Variants in MEIKIN observed in about 807,000 individuals in gnomAD.
MEIKIN encodes meiosis-specific kinetochore protein.
chr5:131,919,971 TACAA>T (rs1392853795), intron 6 of MEIKIN, among the ~76,000 whole-genome samples: 18 of 152,222 alleles, frequency 1.2e-4, no homozygotes, highest in Non-Finnish European at 2.5e-4. Flanking sequence ...CTATACATAT[TACAA>T]GTGAATAACT....
chr5:131,941,491 C>T (rs139331806), intron 4 of MEIKIN, among the ~76,000 whole-genome samples: 3 of 152,160 alleles, frequency 2.0e-5, no homozygotes, highest in Admixed American at 6.5e-5. Flanking sequence ...TTTTGCTTTA[C>T]TGATCAAGGG....
chr5:131,824,923 C>T (rs763713574), intron 11 of MEIKIN, among the ~76,000 whole-genome samples: 1 of 152,032 alleles, frequency 6.6e-6, no homozygotes, highest in Non-Finnish European at 1.5e-5. Flanking sequence ...CAGTGGCTTA[C>T]ACCTGTAAAC....
At chr5:131,936,812 C>G (rs1751786584) in intron 4 of MEIKIN, among the ~76,000 whole-genome samples, 1 of 152,084 alleles carries the variant, frequency 6.6e-6, no homozygotes, top group Non-Finnish European at 1.5e-5. Context: ...CTCAAGTAAT[C>G]CTCCCACCTT....
At chr5:131,817,885 T>C (rs1348526947) in intron 12 of MEIKIN, among the ~76,000 whole-genome samples, 2 of 152,176 alleles carry the variant, frequency 1.3e-5, no homozygotes, top group Non-Finnish European at 2.9e-5. Flanking sequence ...GGCTATTTAC[T>C]CATAAAAATT....
intron 8 of MEIKIN, among the ~76,000 whole-genome samples, chr5:131,908,075 C>T (rs920862293): frequency 6.6e-6 from 1 of 152,064 alleles, no homozygotes; most frequent in Non-Finnish European, 1.5e-5. Context: ...TACTGACAAA[C>T]TCATTCAATG....
intron 8 of MEIKIN, among the ~76,000 whole-genome samples, chr5:131,881,439 T>G (rs929137642): frequency 5.9e-5 from 9 of 152,196 alleles, no homozygotes; most frequent in African/African-American, 2.2e-4. Context: ...CTCTAAATGT[T>G]GGAGTGTCCC....
intron 8 of MEIKIN, among the ~76,000 whole-genome samples, chr5:131,887,455 C>G (rs1750819507): frequency 6.6e-6 from 1 of 152,138 alleles, no homozygotes; most frequent in Non-Finnish European, 1.5e-5. Context: ...ACACTCCCAC[C>G]AACAGTGTAA....
chr5:131,835,580 G>T (rs1749791452), intron 11 of MEIKIN, among the ~76,000 whole-genome samples: 2 of 151,954 alleles, frequency 1.3e-5, no homozygotes, highest in Non-Finnish European at 2.9e-5. Flanking sequence ...CTGTTTCATT[G>T]GTGTATATAT....
chr5:131,920,789 G>C (rs1190493053), intron 6 of MEIKIN, among the ~76,000 whole-genome samples: 1 of 151,870 alleles, frequency 6.6e-6, no homozygotes. Flanking sequence ...GACCTCCTGG[G>C]CTCAAGCGAT....
At chr5:131,931,195 C>T (rs1440153511) in intron 5 of MEIKIN, among the ~76,000 whole-genome samples, 1 of 152,232 alleles carries the variant, frequency 6.6e-6, no homozygotes, top group Non-Finnish European at 1.5e-5. Flanking sequence ...AGCCTCCAGG[C>T]ATTTACAATA....
chr5:131,898,159 T>C (rs1751086007), intron 8 of MEIKIN, among the ~76,000 whole-genome samples: 1 of 152,140 alleles, frequency 6.6e-6, no homozygotes, highest in Admixed American at 6.6e-5. Context: ...AACAGTCAGG[T>C]CCCTCAGCTG....
intron 8 of MEIKIN, among the ~76,000 whole-genome samples, chr5:131,882,156 G>A: frequency 6.6e-6 from 1 of 152,046 alleles, no homozygotes; most frequent in Non-Finnish European, 1.5e-5. Context: ...TCAGACCACT[G>A]CTACCATCAT....
chr5:131,921,566 A>G (rs1337161561), intron 6 of MEIKIN, among the ~76,000 whole-genome samples: 2 of 151,866 alleles, frequency 1.3e-5, no homozygotes, highest in East Asian at 3.9e-4. Flanking sequence ...CTGAGGCAGG[A>G]GAACTGCTTG....
chr5:131,824,829 A>C (rs1749584119), intron 11 of MEIKIN, among the ~76,000 whole-genome samples: 2 of 152,146 alleles, frequency 1.3e-5, no homozygotes, highest in Admixed American at 1.3e-4. Flanking sequence ...GAAAGACATG[A>C]ATCCACAGAT....
chr5:131,879,139 C>A (rs1750662563), intron 8 of MEIKIN, 91 bp from the exon 9 acceptor site: 2 of 394,226 alleles, frequency 5.1e-6, no homozygotes, highest in Non-Finnish European at 4.5e-6. Flanking sequence ...TTTGACAAAA[C>A]AAAATAATAT....
At chr5:131,811,860 C>G (rs1202970697) in intron 12 of MEIKIN, among the ~76,000 whole-genome samples, 2 of 152,208 alleles carry the variant, frequency 1.3e-5, no homozygotes, top group African/African-American at 4.8e-5. Context: ...TCCCAAAGTG[C>G]TCGGATTACA....
intron 5 of MEIKIN, among the ~76,000 whole-genome samples, chr5:131,926,663 G>A (rs1173809474): frequency 1.3e-5 from 2 of 152,086 alleles, no homozygotes; most frequent in South Asian, 2.1e-4. Context: ...TCTGGTCCTG[G>A]ATTTTCTTTG....
chr5:131,839,529 G>C (rs1749867570), intron 11 of MEIKIN, among the ~76,000 whole-genome samples: 2 of 152,094 alleles, frequency 1.3e-5, no homozygotes, highest in Non-Finnish European at 1.5e-5. Context: ...TATGAATCTG[G>C]GTGCTCCTCT....
chr5:131,830,044 AG>A (rs1749686795), intron 11 of MEIKIN, among the ~76,000 whole-genome samples: 2 of 152,308 alleles, frequency 1.3e-5, no homozygotes, highest in African/African-American at 2.4e-5. Flanking sequence ...CACACAAAAA[AG>A]TGGTCACAGT....
Sources: gnomAD v4.1 joint callset for allele counts (sites outside exome capture counted in the v4.1 genomes callset) on GRCh38, gnomAD v4.1.1 for gene constraint, MANE v1.5 for transcripts, NCBI Gene and HGNC (gene_info 2026-07-23, HGNC 2026-07-21) for gene names.